DCLK2: variants seen among roughly 807,000 people sequenced by gnomAD.
DCLK2 encodes the protein doublecortin like kinase 2, also known as serine/threonine-protein kinase DCLK2.
Under a neutral mutation model 78.4 loss-of-function variants are expected in DCLK2, and 31 were observed. The ratio of observed to expected loss-of-function variants is 0.40; its 90% confidence interval spans 0.30 to 0.53. DCLK2 has a LOEUF of 0.53. Among genes scored for constraint, DCLK2 ranks in the 20% least tolerant of loss-of-function variants. The pLI is 0.61. For missense variants in DCLK2, 872 were observed against 973.7 expected (o/e 0.90, Z 1.39); for synonymous variants, 407 against 374.9 (o/e 1.09, Z -0.99).
At chr4:150,125,881 A>G (rs1732888061) in intron 2 of DCLK2, among the ~76,000 whole-genome samples, 1 of 152,038 alleles carries the variant, frequency 6.6e-6, no homozygotes, top group African/African-American at 2.4e-5. Context: ...ACAGAGTGAA[A>G]TTTTGTCTCA....
chr4:150,240,828 G>C (rs1295405012), intron 12 of DCLK2, among the ~76,000 whole-genome samples: 2 of 150,514 alleles, frequency 1.3e-5, no homozygotes, highest in African/African-American at 4.9e-5. Flanking sequence ...TTAATTTACA[G>C]CCTATTAATG....
In DCLK2 at chr4:150,224,498, T is replaced by C. The variant is rs369548480; in HGVS notation, c.1242-3T>C. ...AAATGGTCTTCCTCTGATTATTCCA[T>C]AGGTCCACTGGAAAGGAGTTTGCCC... On this transcript the variant is annotated splice_polypyrimidine_tract_variant and splice_region_variant and intron_variant, in intron 7 of 15. Coordinates refer to ENST00000296550, the MANE Select transcript of DCLK2 (RefSeq NM_001040260.4). The C allele has an allele frequency of 8.1e-6, 13 of 1,608,618 alleles. No homozygotes were observed. The African/African-American group carries it at 1.7e-4, about 22-fold the overall frequency.
chr4:150,249,887 G>T (rs1465053639), intron 15 of DCLK2, among the ~76,000 whole-genome samples: 1 of 152,142 alleles, frequency 6.6e-6, no homozygotes, highest in Non-Finnish European at 1.5e-5. Flanking sequence ...GTAGGGACCA[G>T]CAGGCCTGGT....
intron 10 of DCLK2, among the ~76,000 whole-genome samples, chr4:150,233,240 C>T (rs1202791586): frequency 6.6e-6 from 1 of 152,024 alleles, no homozygotes; most frequent in Non-Finnish European, 1.5e-5. Flanking sequence ...ATTTTTAAAC[C>T]ATCGTATGTT....
intron 4 of DCLK2, among the ~76,000 whole-genome samples, chr4:150,202,066 G>A (rs146139682): frequency 0.014 from 2,146 of 152,132 alleles, 35 homozygotes; most frequent in Middle Eastern, 0.068. Flanking sequence ...CTGCACCTAA[G>A]GTCCATACTT....
At chr4:150,135,854 C>T (rs1733649845) in intron 2 of DCLK2, among the ~76,000 whole-genome samples, 1 of 152,162 alleles carries the variant, frequency 6.6e-6, no homozygotes, top group South Asian at 2.1e-4. Context: ...GAAGAAAGCT[C>T]TATTAACCAA....
chr4:150,176,469 A>G (rs1361687436), intron 2 of DCLK2, among the ~76,000 whole-genome samples: 1 of 152,212 alleles, frequency 6.6e-6, no homozygotes, highest in Non-Finnish European at 1.5e-5. Flanking sequence ...CCACCTGCCT[A>G]CGTTCCCAAG....
chr4:150,116,957 T>C (rs1560785387), intron 2 of DCLK2, among the ~76,000 whole-genome samples: 1 of 152,152 alleles, frequency 6.6e-6, no homozygotes, highest in Non-Finnish European at 1.5e-5. Context: ...TGCCATATGT[T>C]ATCCAGGGGA....
chr4:150,200,248 A>G (rs1350063597), intron 4 of DCLK2, among the ~76,000 whole-genome samples: 7 of 152,256 alleles, frequency 4.6e-5, no homozygotes, highest in Non-Finnish European at 5.9e-5. Flanking sequence ...GTAGCATTCT[A>G]GTACACACAA....
intron 10 of DCLK2, among the ~76,000 whole-genome samples, chr4:150,238,598 C>T (rs1742678369): frequency 6.6e-6 from 1 of 152,124 alleles, no homozygotes; most frequent in Admixed American, 6.5e-5. Flanking sequence ...ATCAGCCAGT[C>T]CTTCCAGGAA....
rs1742183816 is a variant in DCLK2, at chr4:150,232,834, T to C, written c.1566+6T>C. The C allele has an allele frequency of 6.2e-7, 1 of 1,608,786 alleles. No homozygotes were observed. Among genetic ancestry groups the C allele is most frequent in the African/African-American group, 1.3e-5 (1 of 74,752 alleles). On this transcript the variant is annotated splice_donor_region_variant and intron_variant, in intron 10 of 15. Transcript: ENST00000296550. ...TCAAACCAGAGAATCTCTTGGTATG[T>C]CATCCCTGCTTTTTCTGTTCCAATG...
At chr4:150,207,606 G>A (rs150908631) in intron 5 of DCLK2, among the ~76,000 whole-genome samples, 193 of 152,194 alleles carry the variant, frequency 1.3e-3, no homozygotes, top group Non-Finnish European at 2.3e-3. Context: ...TTGAGGGGCT[G>A]GAAAAAAGCC....
intron 3 of DCLK2, among the ~76,000 whole-genome samples, chr4:150,195,511 G>T (rs1738973392): frequency 9.8e-6 from 1 of 101,728 alleles, no homozygotes; most frequent in Non-Finnish European, 1.9e-5. Flanking sequence ...TATATCATCT[G>T]TACTTTACAT....
At chr4:150,234,626 A>C (rs1742339385) in intron 10 of DCLK2, among the ~76,000 whole-genome samples, 1 of 152,054 alleles carries the variant, frequency 6.6e-6, no homozygotes, top group South Asian at 2.1e-4. Context: ...TGGTAATATC[A>C]TTTGATGATT....
At position 150,108,677 on chromosome 4, in the gene DCLK2, G is replaced by A. The variant is rs115208035; in HGVS notation, c.756+5865G>A. 5.4e-3 allele frequency among the ~76,000 whole-genome samples: 816 copies of A among 152,068 alleles called. 6 individuals carry two copies. The highest frequency in any genetic ancestry group is 0.019 in the African/African-American group (771 of 41,496). On this transcript the variant is annotated intron_variant, in intron 2 of 15. Transcript: ENST00000296550. The stretch of plus-strand genomic sequence containing the variant: ...AGTGACATTCTCATAATAAAATACA[G>A]CAAGGAGAATTTTTTTTAATGCCTG...
intron 2 of DCLK2, among the ~76,000 whole-genome samples, chr4:150,109,009 G>C (rs1366688445): frequency 6.6e-6 from 1 of 152,060 alleles, no homozygotes; most frequent in African/African-American, 2.4e-5. Flanking sequence ...GCTCTTATCA[G>C]TCATATTAGA....
chr4:150,185,960 A>G (rs1391906341), intron 2 of DCLK2, among the ~76,000 whole-genome samples: 6 of 152,258 alleles, frequency 3.9e-5, no homozygotes, highest in African/African-American at 1.4e-4. Context: ...TCCTGTAGAT[A>G]CGTTATTTTT....
chr4:150,105,287 A>G (rs1731175822), intron 2 of DCLK2, among the ~76,000 whole-genome samples: 2 of 152,170 alleles, frequency 1.3e-5, no homozygotes, highest in African/African-American at 2.4e-5. Context: ...AAGGGTTTAT[A>G]TGCTTTAATA....
At chr4:150,094,105 G>T (rs1730296288) in intron 1 of DCLK2, among the ~76,000 whole-genome samples, 1 of 152,082 alleles carries the variant, frequency 6.6e-6, no homozygotes, top group South Asian at 2.1e-4. Context: ...CTCCTAGAAG[G>T]AAAACATAAG....
Sources: allele counts gnomAD v4.1 joint callset (sites outside exome capture counted in the v4.1 genomes callset), GRCh38; gene constraint gnomAD v4.1.1; transcripts MANE v1.5; gene names NCBI Gene and HGNC (gene_info 2026-07-23, HGNC 2026-07-21).